PNKD: variants seen among roughly 807,000 people sequenced by gnomAD.
PNKD encodes probable thioesterase PNKD.
PNKD carries 36 observed loss-of-function variants against 45.3 expected under a neutral mutation model. The observed-to-expected ratio is 0.80, with a 90% CI of 0.61 to 1.05. The LOEUF (loss-of-function observed/expected upper bound fraction) is 1.05, where lower values mean the gene tolerates loss of function less well. PNKD is among the 50% of genes least tolerant of loss of function. The pLI is 0.00. For synonymous variants in PNKD, 197 were observed against 210.1 expected (o/e 0.94, Z 0.54); for missense variants, 511 against 506.6 (o/e 1.01, Z -0.08).
At chr2:218,280,821 T>C (rs1677809090) in intron 2 of PNKD, 1 of 149,268 alleles carries the variant, frequency 6.7e-6, no homozygotes, top group Admixed American at 6.7e-5. Context: ...TTTTTTTTTT[T>C]TTTTTTTGAG....
At chr2:218,304,570 C>G (rs998474180) in intron 2 of PNKD, among the ~76,000 whole-genome samples, 1 of 152,228 alleles carries the variant, frequency 6.6e-6, no homozygotes, top group Non-Finnish European at 1.5e-5. Flanking sequence ...AACTTAACTT[C>G]TCTCAAGCTC....
intron 2 of PNKD, among the ~76,000 whole-genome samples, chr2:218,312,139 T>C (rs1693632785): frequency 1.3e-5 from 2 of 152,200 alleles, no homozygotes; most frequent in Non-Finnish European, 2.9e-5. Flanking sequence ...GCAGAAACAA[T>C]TTTTCTTAGT....
intron 2 of PNKD, among the ~76,000 whole-genome samples, chr2:218,333,273 C>T (rs1393132841): frequency 7.9e-5 from 12 of 152,312 alleles, no homozygotes; most frequent in South Asian, 4.1e-4. Flanking sequence ...CCAGATACAG[C>T]GAGTGACAAG....
intron 2 of PNKD, among the ~76,000 whole-genome samples, chr2:218,335,661 G>A (rs962969785): frequency 2.0e-5 from 3 of 151,718 alleles, no homozygotes; most frequent in African/African-American, 7.3e-5. Context: ...AAAAAAAGAA[G>A]GCCTACGAAA....
At chr2:218,303,776 A>G (rs571427354) in intron 2 of PNKD, among the ~76,000 whole-genome samples, 5 of 151,966 alleles carry the variant, frequency 3.3e-5, no homozygotes, top group Non-Finnish European at 5.9e-5. Context: ...GGGTTTCACC[A>G]TCTTGGCCAG....
At chr2:218,324,150 GGTGGTGCCTAGC>G (rs1267346201) in intron 2 of PNKD, among the ~76,000 whole-genome samples, 1 of 143,090 alleles carries the variant, frequency 7.0e-6, no homozygotes. Context: ...CCCAGGGGAG[GGTGGTGCCTAGC>G]AAGCACTGTT....
chr2:218,292,051 T>C (rs1342125594), intron 2 of PNKD, among the ~76,000 whole-genome samples: 1 of 151,590 alleles, frequency 6.6e-6, no homozygotes, highest in African/African-American at 2.4e-5. Context: ...CCCTCCCTCT[T>C]CCCTCTTCTC....
chr2:218,341,662 A>G (rs1442996097), intron 6 of PNKD, 36 bp downstream of exon 6: 1 of 1,425,320 alleles, frequency 7.0e-7, no homozygotes, highest in Admixed American at 1.9e-5. Context: ...TGGCCCTTCC[A>G]TGGGCCCTTT....
chr2:218,270,551 G>A lies in PNKD; in HGVS notation c.16G>A (p.Ala6Thr), dbSNP rs1023163176. The A allele has an allele frequency of 5.7e-6, 7 of 1,236,758 alleles. No homozygotes were observed. In the African/African-American group the frequency reaches 7.8e-5, roughly 14 times the overall value. The allele number at this position is 1,236,758 out of a possible 1,614,324, so 76.6% of individuals were successfully genotyped here. A position where few individuals can be genotyped will look rare whatever the true frequency, so the allele number is the denominator to read the frequency against. ...GGATCTGAACATGGCGGCGGTGGTAGCTGCTACGGCGCTGAAGGGCCGGGG... is the reference window on the plus strand; with the variant it reads ...GGATCTGAACATGGCGGCGGTGGTAACTGCTACGGCGCTGAAGGGCCGGGG... MAAVV[A>T]ATALKGRGAR... The change falls in exon 1 of 10, where the codon GCT becomes ACT. Residue 6 changes from alanine (A) to threonine (T), a missense_variant. By Grantham distance (58) the Ala-to-Thr change is moderately conservative. Transcript: ENST00000273077.
intron 2 of PNKD, among the ~76,000 whole-genome samples, chr2:218,330,025 C>T (rs569929293): frequency 0.054 from 7 of 130 alleles, no homozygotes; most frequent in South Asian, 0.5. Flanking sequence ...AGTCCCCGGC[C>T]AGGCCCCACC....
At chr2:218,315,094 C>CTCTTTCCTTCCTTCCT (rs1693767720) in intron 2 of PNKD, among the ~76,000 whole-genome samples, 1 of 101,540 alleles carries the variant, frequency 9.8e-6, no homozygotes, top group African/African-American at 3.9e-5. Flanking sequence ...CTCTCTCTCT[C>CTCTTTCCTTCCTTCCT]TCCTTCCTTC....
chr2:218,277,097 C>T, intron 2 of PNKD: 1 of 1,613,998 alleles, frequency 6.2e-7, no homozygotes, highest in Admixed American at 1.7e-5. Context: ...AGGTGAAGTC[C>T]ACCTGCCAGG....
intron 2 of PNKD, among the ~76,000 whole-genome samples, chr2:218,322,753 C>T (rs906698157): frequency 6.6e-6 from 1 of 152,360 alleles, no homozygotes; most frequent in Admixed American, 6.5e-5. Flanking sequence ...ACTGTGGGCT[C>T]CAGGAATGCA....
intron 2 of PNKD, chr2:218,276,111 G>C: frequency 1.9e-6 from 3 of 1,608,108 alleles, no homozygotes; most frequent in Non-Finnish European, 1.7e-6. Flanking sequence ...AATGGCATTA[G>C]AAACCTCAGC....
chr2:218,292,346 G>T (rs1405900650), intron 2 of PNKD: 1 of 152,240 alleles, frequency 6.6e-6, no homozygotes, highest in Non-Finnish European at 1.5e-5. Context: ...GCCCAGGAGC[G>T]GGCAAGCCGG....
intron 2 of PNKD, chr2:218,323,508 G>T: frequency 8.4e-7 from 1 of 1,192,008 alleles, no homozygotes; most frequent in Admixed American, 2.8e-5. Context: ...GCGGGGGCTG[G>T]AGCTGGGGGT....
At position 218,345,208 on chromosome 2, in the gene PNKD, C is replaced by T. The variant is rs1694799911; in HGVS notation, c.*227C>T. ...ACCCCGCAGCGCGAGGCTGCCTCAT[C>T]AACGGCAAGAGGAAAGGAGGGGTCT... On this transcript the variant is annotated 3_prime_UTR_variant, in exon 10 of 10. Coordinates refer to ENST00000273077, the MANE Select transcript of PNKD (RefSeq NM_015488.5). 4 of 568,192 alleles carry T rather than the reference C, an allele frequency of 7.0e-6. No individual in the cohort carries two copies. In the South Asian group the frequency reaches 8.9e-5, roughly 13 times the overall value. 35.2% of individuals were successfully genotyped at this position (568,192 alleles called of 1,614,324 possible). A position where few individuals can be genotyped will look rare whatever the true frequency, so the allele number is the denominator to read the frequency against.
intron 2 of PNKD, chr2:218,323,056 G>A (rs1026349809): frequency 1.2e-5 from 9 of 734,530 alleles, no homozygotes; most frequent in Non-Finnish European, 1.7e-5. Context: ...GCCGGGCGGA[G>A]CCAGGCCGCC....
At position 218,344,888 on chromosome 2, in the gene PNKD, G is replaced by A; in HGVS notation, c.1065G>A (p.Gly355=). ...THCLALQEAL[G]PGPGPTGDDD... is the part of the protein sequence containing the mutation. ...GCCTGGCGCTACAGGAGGCTCTGGG[G>A]CCGGGGCCGGGCCCCACTGGGGATG... Residue 355 remains glycine (G), a synonymous_variant, in exon 10 of 10, where the codon GGG becomes GGA. Transcript: ENST00000273077. The A allele has an allele frequency of 6.2e-7, 1 of 1,613,934 alleles. No homozygotes were observed.
Sources: allele counts gnomAD v4.1 joint callset (sites outside exome capture counted in the v4.1 genomes callset), GRCh38; gene constraint gnomAD v4.1.1; transcripts MANE v1.5; gene names NCBI Gene and HGNC (gene_info 2026-07-23, HGNC 2026-07-21).